Variants in PPP1R13B observed in about 807,000 individuals in gnomAD.
The protein encoded by PPP1R13B is apoptosis-stimulating of p53 protein 1.
Under a neutral mutation model 119.8 loss-of-function variants are expected in PPP1R13B, and 44 were observed. That is an observed-to-expected ratio of 0.37 (90% CI 0.29 to 0.47). The LOEUF (loss-of-function observed/expected upper bound fraction) is 0.47, where lower values mean the gene tolerates loss of function less well. PPP1R13B is among the 20% of genes least tolerant of loss of function. The pLI is 0.99. For missense variants in PPP1R13B, 1,227 were observed against 1,413.5 expected (o/e 0.87, Z 2.12); for synonymous variants, 542 against 561.5 (o/e 0.97, Z 0.49).
At chr14:103,807,787 C>A (rs1317242403) in intron 1 of PPP1R13B, among the ~76,000 whole-genome samples, 1 of 152,162 alleles carries the variant, frequency 6.6e-6, no homozygotes, top group African/African-American at 2.4e-5. Context: ...AGGCACCACA[C>A]CTGGCCACGA....
At chr14:103,814,421 C>G (rs1034191927) in intron 1 of PPP1R13B, among the ~76,000 whole-genome samples, 3 of 152,138 alleles carry the variant, frequency 2.0e-5, no homozygotes, top group African/African-American at 7.2e-5. Context: ...ATACTAGAGT[C>G]AGGATTTAAC....
Position 103,795,794 on chromosome 14 carries a change from A to C in PPP1R13B, c.157+1577T>G, listed in dbSNP as rs2085744540. Among the ~76,000 whole-genome samples the C allele has an allele frequency of 2.0e-5, 3 of 152,296 alleles. No homozygotes were observed. In the South Asian group the frequency reaches 6.2e-4, roughly 32 times the overall value. On this transcript the variant is annotated intron_variant, in intron 2 of 16. Coordinates refer to ENST00000202556, the MANE Select transcript of PPP1R13B (RefSeq NM_015316.3). ...CTAACAATTGAGGGCCTGTCCTTTTACTTCTAATTTAGTAATAGTCCAATG... is the reference window on the plus strand; with the variant it reads ...CTAACAATTGAGGGCCTGTCCTTTTCCTTCTAATTTAGTAATAGTCCAATG...
intron 1 of PPP1R13B, among the ~76,000 whole-genome samples, chr14:103,817,151 C>G (rs550717351): frequency 1.1e-4 from 17 of 152,332 alleles, no homozygotes; most frequent in Admixed American, 8.5e-4. Flanking sequence ...AGGGAAAATA[C>G]TTAGATGTCC....
At chr14:103,846,501 A>G (rs1287660775) in intron 1 of PPP1R13B, among the ~76,000 whole-genome samples, 1 of 152,216 alleles carries the variant, frequency 6.6e-6, no homozygotes, top group Non-Finnish European at 1.5e-5. Context: ...CAGAAAACCA[A>G]TACCTCTCCA....
intron 4 of PPP1R13B, among the ~76,000 whole-genome samples, chr14:103,769,431 T>C (rs530643746): frequency 2.6e-5 from 4 of 151,884 alleles, no homozygotes; most frequent in Non-Finnish European, 5.9e-5. Flanking sequence ...GTAGAGACAG[T>C]GTCTCACTAT....
intron 6 of PPP1R13B, among the ~76,000 whole-genome samples, chr14:103,753,598 CTT>C (rs560651022): frequency 4.0e-4 from 61 of 152,282 alleles, no homozygotes; most frequent in African/African-American, 1.4e-3. Flanking sequence ...ATCAGCATAA[CTT>C]ATCTTAATGC....
At position 103,753,963 on chromosome 14, in the gene PPP1R13B, CT is replaced by C. The variant is rs2084612761; in HGVS notation, c.631+106del. 5 of 1,327,298 alleles carry C rather than the reference CT, an allele frequency of 3.8e-6. No homozygotes were observed. The African/African-American group carries it at 4.5e-5, about 12-fold the overall frequency. The allele number at this position is 1,327,298 out of a possible 1,614,324, so 82.2% of individuals were successfully genotyped here. A position where few individuals can be genotyped will look rare whatever the true frequency, so the allele number is the denominator to read the frequency against. ...ACAGAGCAAAACTTGAGCACGCTTG[CT>C]ATTTAGTCCTGTGAATTTGTGACTG... On this transcript the variant is annotated intron_variant, in intron 6 of 16. Coordinates refer to ENST00000202556, the MANE Select transcript of PPP1R13B (RefSeq NM_015316.3).
chr14:103,826,223 A>C (rs1354382006), intron 1 of PPP1R13B, among the ~76,000 whole-genome samples: 1 of 152,112 alleles, frequency 6.6e-6, no homozygotes, highest in Non-Finnish European at 1.5e-5. Flanking sequence ...TGTGTGACTC[A>C]CTTTATTGCG....
intron 3 of PPP1R13B, among the ~76,000 whole-genome samples, chr14:103,779,976 C>T (rs1595761650): frequency 6.6e-6 from 1 of 151,982 alleles, no homozygotes; most frequent in East Asian, 1.9e-4. Flanking sequence ...TGGCAAAACC[C>T]TGTCTCTAGT....
At chr14:103,843,532 T>C (rs1179499902) in intron 1 of PPP1R13B, among the ~76,000 whole-genome samples, 6 of 152,222 alleles carry the variant, frequency 3.9e-5, no homozygotes, top group Non-Finnish European at 2.9e-5. Context: ...ATTTAAATGG[T>C]ACCATTTTTT....
intron 7 of PPP1R13B, among the ~76,000 whole-genome samples, chr14:103,752,184 T>C (rs1029214734): frequency 3.3e-5 from 5 of 152,228 alleles, no homozygotes; most frequent in Admixed American, 2.6e-4. Context: ...AATGCTCCAA[T>C]GAGCATGTAT....
At chr14:103,801,529 T>C (rs1297486251) in intron 1 of PPP1R13B, among the ~76,000 whole-genome samples, 1 of 152,280 alleles carries the variant, frequency 6.6e-6, no homozygotes, top group African/African-American at 2.4e-5. Flanking sequence ...AGCTCCTAAC[T>C]ACCATTTTTG....
intron 1 of PPP1R13B, among the ~76,000 whole-genome samples, chr14:103,818,015 T>A (rs1029228585): frequency 6.6e-6 from 1 of 152,190 alleles, no homozygotes; most frequent in African/African-American, 2.4e-5. Flanking sequence ...AACTTTTTTT[T>A]TATAATGAAA....
rs2086100630 is a variant in PPP1R13B, at chr14:103,809,686, G to T, written c.10-12168C>A. ...AAGCACAAAAAATTAGCCAGGCATG[G>T]TAGTATATGCCAGTAGTCCCAGACA... On this transcript the variant is annotated intron_variant, in intron 1 of 16. Coordinates refer to ENST00000202556, the MANE Select transcript of PPP1R13B (RefSeq NM_015316.3). Among the ~76,000 whole-genome samples the T allele has an allele frequency of 1.3e-5, 2 of 151,876 alleles. 1 individual carries two copies. The highest frequency in any genetic ancestry group is 4.2e-4 in the South Asian group (2 of 4,808).
At chr14:103,752,784 C>T (rs1467661704) in intron 7 of PPP1R13B, among the ~76,000 whole-genome samples, 1 of 152,170 alleles carries the variant, frequency 6.6e-6, no homozygotes, top group African/African-American at 2.4e-5. Context: ...CTGCCCGCCT[C>T]GGCTTCCCAA....
rs2084041311 is a variant in PPP1R13B, at chr14:103,734,598, C to T, written c.*556G>A. 2.2e-6 allele frequency: 1 copy of T among 456,400 alleles called. No homozygotes were observed. The highest frequency in any genetic ancestry group is 4.4e-6 in the Non-Finnish European group (1 of 226,820). The allele number at this position is 456,400 out of a possible 1,614,324, so 28.3% of individuals were successfully genotyped here. A position where few individuals can be genotyped will look rare whatever the true frequency, so the allele number is the denominator to read the frequency against. ...AAGCGGAACCCCCAAGGCGGCCGAG[C>T]AGAGTGGGTACTGGGAGGCATACAC... On this transcript the variant is annotated 3_prime_UTR_variant, in exon 17 of 17. Transcript: ENST00000202556.
At chr14:103,837,630 T>C (rs1216187359) in intron 1 of PPP1R13B, among the ~76,000 whole-genome samples, 1 of 152,002 alleles carries the variant, frequency 6.6e-6, no homozygotes, top group Non-Finnish European at 1.5e-5. Flanking sequence ...CCGATCTATT[T>C]ACTGCTTTTC....
At chr14:103,797,299 A>C in intron 2 of PPP1R13B, 72 bp downstream of exon 2, 1 of 1,442,390 alleles carries the variant, frequency 6.9e-7, no homozygotes, top group Non-Finnish European at 9.3e-7. Context: ...AAGCAAATCC[A>C]GCACAAGCTT....
intron 2 of PPP1R13B, among the ~76,000 whole-genome samples, chr14:103,793,493 T>C (rs1288756935): frequency 6.6e-6 from 1 of 152,192 alleles, no homozygotes; most frequent in Non-Finnish European, 1.5e-5. Flanking sequence ...TGATTGTAAG[T>C]TTCCTGAGGC....
Sources: allele counts gnomAD v4.1 joint callset (sites outside exome capture counted in the v4.1 genomes callset), GRCh38; gene constraint gnomAD v4.1.1; transcripts MANE v1.5; gene names NCBI Gene and HGNC (gene_info 2026-07-23, HGNC 2026-07-21).